Variants in DNAH3 observed in about 807,000 individuals in gnomAD.
DNAH3 encodes dynein axonemal heavy chain 3.
A neutral mutation model predicts 432.5 loss-of-function variants in DNAH3; 332 were observed. That is an observed-to-expected ratio of 0.77 (90% CI 0.70 to 0.84). DNAH3 has a LOEUF of 0.84. Among genes scored for constraint, DNAH3 ranks in the 40% least tolerant of loss-of-function variants. The pLI, the probability that DNAH3 is intolerant of heterozygous loss-of-function variation, is 0.00. For missense variants in DNAH3, 4,861 were observed against 5,114.0 expected, an observed-to-expected ratio of 0.95 and a Z score of 1.51; for synonymous variants, 1,956 against 1,900.2, an observed-to-expected ratio of 1.03 and a Z score of -0.76.
intron 9 of DNAH3, among the ~76,000 whole-genome samples, chr16:21,123,016 T>C (rs891002979): frequency 6.6e-6 from 1 of 152,160 alleles, no homozygotes; most frequent in African/African-American, 2.4e-5. Context: ...TATTCTAAAG[T>C]TGAGGGCAGG....
At chr16:21,056,395 T>TCC (rs1567712552) in intron 27 of DNAH3, among the ~76,000 whole-genome samples, 1 of 90,968 alleles carries the variant, frequency 1.1e-5, no homozygotes, top group Non-Finnish European at 2.2e-5. Flanking sequence ...CCTCCCTCCC[T>TCC]CTCTCCCTTC....
intron 60 of DNAH3, among the ~76,000 whole-genome samples, chr16:20,935,818 G>A (rs2083567318): frequency 6.7e-6 from 1 of 148,328 alleles, no homozygotes; most frequent in Non-Finnish European, 1.5e-5. Flanking sequence ...ACTCCAGCCT[G>A]AGTGACAAGA....
intron 59 of DNAH3, among the ~76,000 whole-genome samples, chr16:20,938,048 T>A (rs1353777299): frequency 6.6e-6 from 1 of 152,116 alleles, no homozygotes; most frequent in Admixed American, 6.6e-5. Flanking sequence ...ATGAGAATGA[T>A]CACATGCAGG....
chr16:21,040,183 C>T (rs1482377903), intron 32 of DNAH3, among the ~76,000 whole-genome samples: 1 of 151,906 alleles, frequency 6.6e-6, no homozygotes, highest in East Asian at 1.9e-4. Context: ...CATTGGGTCC[C>T]TCAATGGTTC....
At chr16:21,021,790 C>G (rs1436023928) in intron 40 of DNAH3, among the ~76,000 whole-genome samples, 181 bp downstream of exon 40, 2 of 151,910 alleles carry the variant, frequency 1.3e-5, no homozygotes, top group Non-Finnish European at 2.9e-5. Context: ...TTAATCCCAG[C>G]TACTCGGGAG....
rs1215581252 is a variant in DNAH3 at position 20,944,543 on chromosome 16, G to T, written c.11464C>A (p.Leu3822Met). 1.9e-6 allele frequency: 3 copies of T among 1,614,178 alleles called. No homozygotes were observed. Among genetic ancestry groups the T allele is most frequent in the Admixed American group, 3.3e-5 (2 of 60,024 alleles). Residue 3822 changes from leucine to methionine, a missense_variant, in exon 58 of 62, where the codon CTG becomes ATG. Leu to Met is a conservative substitution (Grantham distance 15, BLOSUM62 2). Transcript: ENST00000261383. The stretch of plus-strand genomic sequence containing the variant: ...CCTGACTGTCTAGGGAGGGTCAGCA[G>T]GACCCCCTCAAACAGCTGGTTGGTT...
chr16:21,120,639 C>T lies in DNAH3; in HGVS notation c.1699+101G>A, dbSNP rs1286805747. 8 of 900,080 alleles carry T rather than the reference C, an allele frequency of 8.9e-6. 1 individual carries two copies. The East Asian group carries it at 1.0e-4, about 11-fold the overall frequency. 55.8% of individuals were successfully genotyped at this position (900,080 alleles called of 1,614,324 possible). On this transcript the variant is annotated intron_variant, in intron 11 of 61. Coordinates refer to ENST00000261383, the Ensembl canonical transcript of DNAH3. ...TCTACGTTGTTTTTCCTTATTGTCT[C>T]GTAAAGTCATTGGTATTCACATAGG...
chr16:20,957,808 C>CAAAAAAAAAAAAAAAAAAAAAAAAAAAAA (rs762197650), intron 54 of DNAH3, among the ~76,000 whole-genome samples: 2 of 53,286 alleles, frequency 3.8e-5, no homozygotes, highest in South Asian at 6.1e-4. Context: ...ACTCCATCTC[C>CAAAAAAAAAAAAAAAAAAAAAAAAAAAAA]AAAAAAAAAA....
At chr16:20,952,573 G>C in intron 55 of DNAH3, 24 bp from the exon 56 acceptor site, 1 of 1,440,870 alleles carries the variant, frequency 6.9e-7, no homozygotes, top group Non-Finnish European at 9.8e-7. Flanking sequence ...AGCAGAGAGA[G>C]GCTTCAGTGC....
intron 57 of DNAH3, among the ~76,000 whole-genome samples, chr16:20,947,150 TAGAG>T (rs1170929135): frequency 1.3e-5 from 2 of 151,922 alleles, no homozygotes; most frequent in Non-Finnish European, 2.9e-5. Context: ...AGACTCCACC[TAGAG>T]AGAGAGGGTG....
At chr16:20,985,673 TATC>T in exon 48 of DNAH3, 1 of 1,614,094 alleles carries the variant, frequency 6.2e-7, no homozygotes, top group Non-Finnish European at 8.5e-7. Flanking sequence ...CTTCGAATGT[TATC>T]ATCGACTATC....
At chr16:21,023,653 A>G (rs2088369579) in intron 39 of DNAH3, among the ~76,000 whole-genome samples, 1 of 152,178 alleles carries the variant, frequency 6.6e-6, no homozygotes, top group Non-Finnish European at 1.5e-5. Flanking sequence ...AAAGAGCAGG[A>G]AATGAGATTG....
At chr16:20,955,203 T>C (rs572632989) in intron 54 of DNAH3, 146 bp from the exon 55 acceptor site, 41 of 766,862 alleles carry the variant, frequency 5.3e-5, no homozygotes, top group African/African-American at 3.8e-4. Context: ...CATTATTTTA[T>C]TGATAAATTA....
At chr16:20,957,784 G>A (rs1318324860) in intron 54 of DNAH3, among the ~76,000 whole-genome samples, 3 of 106,716 alleles carry the variant, frequency 2.8e-5, no homozygotes, top group African/African-American at 1.1e-4. Flanking sequence ...TCCAGCCTGG[G>A]CAATAAGAGC....
exon 28 of DNAH3, chr16:21,054,427 A>C: frequency 6.2e-7 from 1 of 1,613,826 alleles, no homozygotes; most frequent in Non-Finnish European, 8.5e-7. Context: ...TACCGTGGAC[A>C]TCGATGACCG....
chr16:21,122,954 G>C (rs1223208137), intron 9 of DNAH3, among the ~76,000 whole-genome samples: 1 of 151,960 alleles, frequency 6.6e-6, no homozygotes, highest in East Asian at 1.9e-4. Flanking sequence ...GCCCAGCCTA[G>C]TATTTTTTTC....
At chr16:21,131,615 T>C (rs6497529) in intron 7 of DNAH3, among the ~76,000 whole-genome samples, 108,961 of 151,486 alleles carry the variant, frequency 0.72, 39,668 homozygotes, top group East Asian at 1. Context: ...TTTGGGAGGC[T>C]GAGGCAGGTG....
rs375473337 is a variant in DNAH3, at chr16:21,024,676, G to A, written c.5566C>T (p.His1856Tyr). ...TTCAGGGGCTTCCAGCCTAGTTGAT[G>A]GGGCTCCATGTAGATCATCCCACAC... The change falls in exon 39 of 62, where the codon CAT becomes TAT. Residue 1856 changes from histidine (H) to tyrosine (Y), a missense_variant. Coordinates refer to ENST00000261383, the Ensembl canonical transcript of DNAH3. 11 of 1,613,656 alleles carry A rather than the reference G, an allele frequency of 6.8e-6. No individual in the cohort carries two copies. The African/African-American group carries it at 1.5e-4, about 22-fold the overall frequency.
At chr16:21,041,370 C>CA (rs1488225886) in intron 32 of DNAH3, among the ~76,000 whole-genome samples, 52 of 150,450 alleles carry the variant, frequency 3.5e-4, no homozygotes, top group African/African-American at 1.0e-3. Context: ...GACTCCATCT[C>CA]AAAAAAAAAG....
Sources: allele counts gnomAD v4.1 joint callset (sites outside exome capture counted in the v4.1 genomes callset), GRCh38; gene constraint gnomAD v4.1.1; transcripts MANE v1.5; gene names NCBI Gene and HGNC (gene_info 2026-07-23, HGNC 2026-07-21).